The following PRKCA variants were observed in gnomAD, a reference collection of about 807,000 sequenced individuals.
PRKCA encodes the protein protein kinase C alpha, also known as protein kinase C alpha type.
A neutral mutation model predicts 87.0 loss-of-function variants in PRKCA; 27 were observed. The observed-to-expected ratio is 0.31, with a 90% CI of 0.23 to 0.43. The LOEUF is 0.43. Ranked by LOEUF, PRKCA falls within the 20% of genes least tolerant of loss-of-function variation. PRKCA has a pLI of 1.00. For missense variants in PRKCA, 518 were observed against 852.3 expected, an observed-to-expected ratio of 0.61 and a Z score of 4.88; for synonymous variants, 329 against 311.1, an observed-to-expected ratio of 1.06 and a Z score of -0.61.
At chr17:66,680,312 G>A (rs903676949) in intron 5 of PRKCA, among the ~76,000 whole-genome samples, 12 of 152,122 alleles carry the variant, frequency 7.9e-5, no homozygotes, top group Admixed American at 2.0e-4. Flanking sequence ...GTTTACTCTC[G>A]CTTTTGCTGT....
intron 8 of PRKCA, among the ~76,000 whole-genome samples, chr17:66,727,077 G>A (rs1973771569): frequency 6.6e-6 from 1 of 152,184 alleles, no homozygotes; most frequent in Non-Finnish European, 1.5e-5. Context: ...ACATCTTTGG[G>A]GAGGGGTTTT....
chr17:66,388,469 T>A (rs781655972), intron 2 of PRKCA, among the ~76,000 whole-genome samples: 1 of 152,034 alleles, frequency 6.6e-6, no homozygotes, highest in Non-Finnish European at 1.5e-5. Flanking sequence ...TGATTTTGTG[T>A]TTTTAGTAGA....
At chr17:66,305,875 C>T (rs1012253531) in intron 1 of PRKCA, among the ~76,000 whole-genome samples, 1 of 152,102 alleles carries the variant, frequency 6.6e-6, no homozygotes, top group African/African-American at 2.4e-5. Context: ...GTTGATACAT[C>T]GAAATAGTTC....
intron 2 of PRKCA, among the ~76,000 whole-genome samples, chr17:66,339,588 C>G (rs1036385669): frequency 6.6e-6 from 1 of 151,976 alleles, no homozygotes; most frequent in African/African-American, 2.4e-5. Context: ...CATTTTAGAT[C>G]CTTAATATTG....
intron 2 of PRKCA, among the ~76,000 whole-genome samples, chr17:66,342,120 A>G (rs1353183907): frequency 2.0e-5 from 3 of 152,152 alleles, no homozygotes; most frequent in South Asian, 2.1e-4. Flanking sequence ...GTTGAAGTCT[A>G]TTCAATTAAA....
At chr17:66,618,909 T>A (rs1226853147) in intron 3 of PRKCA, among the ~76,000 whole-genome samples, 1 of 151,868 alleles carries the variant, frequency 6.6e-6, no homozygotes, top group Non-Finnish European at 1.5e-5. Flanking sequence ...CCATTGATTA[T>A]CATAATTCTA....
At chr17:66,529,818 T>G (rs187668228) in intron 3 of PRKCA, among the ~76,000 whole-genome samples, 119 of 152,286 alleles carry the variant, frequency 7.8e-4, no homozygotes, top group Non-Finnish European at 1.4e-3. Flanking sequence ...TAAATCACAG[T>G]CAAAATTCTC....
intron 2 of PRKCA, among the ~76,000 whole-genome samples, chr17:66,410,320 A>C (rs1261316597): frequency 6.6e-6 from 1 of 152,138 alleles, no homozygotes; most frequent in African/African-American, 2.4e-5. Context: ...ACACTGCAAA[A>C]AGATTTCCCA....
At chr17:66,319,747 T>TAA (rs1303852425) in intron 2 of PRKCA, among the ~76,000 whole-genome samples, 73 of 151,516 alleles carry the variant, frequency 4.8e-4, no homozygotes, top group African/African-American at 1.5e-3. Context: ...TTTTTTTTTT[T>TAA]AATTTTTTAT....
intron 2 of PRKCA, among the ~76,000 whole-genome samples, chr17:66,372,498 A>G (rs1035732968): frequency 5.3e-5 from 8 of 152,156 alleles, no homozygotes; most frequent in African/African-American, 1.9e-4. Flanking sequence ...CTCACGCAAA[A>G]TTTAAGAAAC....
At chr17:66,760,242 TC>T in intron 13 of PRKCA, among the ~76,000 whole-genome samples, 1 of 152,222 alleles carries the variant, frequency 6.6e-6, no homozygotes, top group Non-Finnish European at 1.5e-5. Flanking sequence ...AAACTAAAAA[TC>T]AATAACAAAG....
rs374825250 is a variant in PRKCA at position 66,743,960 on chromosome 17, C to T, written c.1524+1200C>T. On this transcript the variant is annotated intron_variant, in intron 13 of 16. Transcript: ENST00000413366. ...ACGTCTCTGAACCCCGTTTCTTCAG[C>T]GGCACCTTAGGGATAATATCCTCCT... Among the ~76,000 whole-genome samples the T allele has an allele frequency of 6.2e-4, 95 of 152,128 alleles. No individual in the cohort carries two copies. In the Middle Eastern group the frequency reaches 0.017, roughly 27 times the overall value.
chr17:66,747,831 C>G (rs564282543), intron 13 of PRKCA, among the ~76,000 whole-genome samples: 56 of 152,356 alleles, frequency 3.7e-4, no homozygotes, highest in African/African-American at 1.3e-3. Flanking sequence ...GGTGATCCAG[C>G]CACACGCAAG....
intron 3 of PRKCA, among the ~76,000 whole-genome samples, chr17:66,505,285 G>A (rs150965096): frequency 7.6e-4 from 116 of 152,308 alleles, no homozygotes; most frequent in Middle Eastern, 3.4e-3. Flanking sequence ...CAGTGGGGGA[G>A]TGGGTGGCAT....
chr17:66,414,704 T>C (rs933999133), intron 2 of PRKCA, among the ~76,000 whole-genome samples: 2 of 152,072 alleles, frequency 1.3e-5, no homozygotes, highest in Non-Finnish European at 1.5e-5. Context: ...TCTGTTTGTG[T>C]GTGACAATGT....
chr17:66,554,474 A>C, intron 3 of PRKCA: 78 of 863,502 alleles, frequency 9.0e-5, no homozygotes, highest in Non-Finnish European at 1.0e-4. Flanking sequence ...TTGGGCTGGA[A>C]GAGAACATTC....
At chr17:66,777,786 G>A (rs138078428) in intron 14 of PRKCA, 34 of 985,318 alleles carry the variant, frequency 3.5e-5, no homozygotes, top group South Asian at 9.4e-5. Context: ...ATCTGTTTCC[G>A]AGGGCGCTTT....
intron 8 of PRKCA, among the ~76,000 whole-genome samples, chr17:66,731,523 TG>T (rs1354841414): frequency 6.6e-6 from 1 of 152,066 alleles, no homozygotes; most frequent in African/African-American, 2.4e-5. Flanking sequence ...CGGAGTCTTG[TG>T]CTGGGAGACT....
At position 66,809,482 on chromosome 17, in the gene PRKCA, A is replaced by C. The variant is rs1004609985; in HGVS notation, c.*5445A>C. On this transcript the variant is annotated 3_prime_UTR_variant, in exon 17 of 17. Coordinates refer to ENST00000413366, the MANE Select transcript of PRKCA (RefSeq NM_002737.3). ...GGGCTATTTGTACTTTTTTATAGAGAACTTTAATAATAATTCTTTAAAAAT... is the reference window on the plus strand; with the variant it reads ...GGGCTATTTGTACTTTTTTATAGAGCACTTTAATAATAATTCTTTAAAAAT... 2 of 152,426 alleles carry C rather than the reference A, an allele frequency of 1.3e-5. No individual in the cohort carries two copies. The highest frequency in any genetic ancestry group is 4.8e-5 in the African/African-American group (2 of 41,442). The allele number at this position is 152,426 out of a possible 1,614,324, so 9.4% of individuals were successfully genotyped here.
Sources: gnomAD v4.1 joint callset for allele counts (sites outside exome capture counted in the v4.1 genomes callset) on GRCh38, gnomAD v4.1.1 for gene constraint, MANE v1.5 for transcripts, NCBI Gene and HGNC (gene_info 2026-07-23, HGNC 2026-07-21) for gene names.